The following GRID2 variants were observed in gnomAD, a reference collection of about 807,000 sequenced individuals.
GRID2 encodes the protein glutamate ionotropic receptor delta type subunit 2, also known as glutamate receptor ionotropic, delta-2.
GRID2 carries 33 observed loss-of-function variants against 114.8 expected under a neutral mutation model. That is an observed-to-expected ratio of 0.29 (90% confidence interval 0.22 to 0.38). The LOEUF is 0.38. Among genes scored for constraint, GRID2 ranks in the 10% least tolerant of loss-of-function variants. The probability of loss-of-function intolerance (pLI) is 1.00; values close to 1 mark genes in which losing one functional copy is unlikely to be tolerated. For synonymous variants in GRID2, 505 were observed against 449.9 expected, an observed-to-expected ratio of 1.12 and a Z score of -1.55; for missense variants, 1,184 against 1,257.7, an observed-to-expected ratio of 0.94 and a Z score of 0.89.
chr4:93,657,151 G>T (rs1395689172), intron 14 of GRID2, among the ~76,000 whole-genome samples: 1 of 151,964 alleles, frequency 6.6e-6, no homozygotes, highest in East Asian at 1.9e-4. Context: ...TCATTAGCTA[G>T]CCCTACCTTC....
At chr4:93,510,048 T>C (rs1729014093) in intron 12 of GRID2, among the ~76,000 whole-genome samples, 1 of 152,128 alleles carries the variant, frequency 6.6e-6, no homozygotes. Flanking sequence ...TAAACTGAGT[T>C]GGAGGATGCT....
chr4:92,975,329 G>A (rs1224532143), intron 2 of GRID2, among the ~76,000 whole-genome samples: 3 of 151,464 alleles, frequency 2.0e-5, no homozygotes, highest in African/African-American at 7.3e-5. Flanking sequence ...CTGTTATAAT[G>A]GGATACTTCT....
At chr4:93,188,854 A>G (rs566843952) in intron 4 of GRID2, among the ~76,000 whole-genome samples, 1 of 152,296 alleles carries the variant, frequency 6.6e-6, no homozygotes, top group Admixed American at 6.5e-5. Context: ...TTGTCACTTA[A>G]TAACAAGAAT....
intron 14 of GRID2, among the ~76,000 whole-genome samples, chr4:93,659,864 T>G (rs1723332447): frequency 6.6e-6 from 1 of 150,732 alleles, no homozygotes; most frequent in African/African-American, 2.5e-5. Flanking sequence ...CTGACCCTTT[T>G]GTATTATATC....
intron 1 of GRID2, among the ~76,000 whole-genome samples, chr4:92,536,786 A>G (rs1353229774): frequency 6.6e-6 from 1 of 152,178 alleles, no homozygotes; most frequent in Non-Finnish European, 1.5e-5. Flanking sequence ...GATGGCAATA[A>G]ATGCCCCCAA....
chr4:92,513,617 T>G (rs1490923942), intron 1 of GRID2, among the ~76,000 whole-genome samples: 3 of 151,896 alleles, frequency 2.0e-5, no homozygotes, highest in Non-Finnish European at 4.4e-5. Flanking sequence ...ATTATCATTG[T>G]AACTTTACAT....
intron 1 of GRID2, among the ~76,000 whole-genome samples, chr4:93,794,661 G>T (rs574094163): frequency 6.6e-6 from 1 of 152,262 alleles, no homozygotes; most frequent in South Asian, 2.1e-4. Flanking sequence ...ACTTTGGCAG[G>T]GTTTGCCAAC....
intron 14 of GRID2, among the ~76,000 whole-genome samples, chr4:93,709,102 C>G (rs1310006305): frequency 6.6e-6 from 1 of 152,060 alleles, no homozygotes; most frequent in Non-Finnish European, 1.5e-5. Flanking sequence ...TTTCATCTTT[C>G]TACTCAAGAT....
At chr4:92,821,250 A>G (rs1741262174) in intron 2 of GRID2, among the ~76,000 whole-genome samples, 1 of 152,196 alleles carries the variant, frequency 6.6e-6, no homozygotes, top group Non-Finnish European at 1.5e-5. Flanking sequence ...AAATATGTGG[A>G]GCAAAATGCG....
At chr4:93,332,285 TGTGTGTGTGTGTGTGAGA>T in intron 8 of GRID2, among the ~76,000 whole-genome samples, 1 of 122,010 alleles carries the variant, frequency 8.2e-6, no homozygotes, top group South Asian at 3.0e-4. Context: ...TGTGTGTGTG[TGTGTGTGTGTGTGTGAGA>T]GAGAGAGAGA....
intron 14 of GRID2, among the ~76,000 whole-genome samples, chr4:93,668,676 TG>T (rs1387386070): frequency 6.6e-6 from 1 of 152,044 alleles, no homozygotes; most frequent in Admixed American, 6.6e-5. Flanking sequence ...CCGGAAAATG[TG>T]GCTTGTGTTC....
chr4:93,603,113 G>A (rs935209112), intron 13 of GRID2, among the ~76,000 whole-genome samples: 1 of 152,160 alleles, frequency 6.6e-6, no homozygotes, highest in African/African-American at 2.4e-5. Flanking sequence ...GGGAGGCTGA[G>A]GCAGGATAAT....
intron 1 of GRID2, among the ~76,000 whole-genome samples, chr4:92,440,809 T>G (rs1284108540): frequency 6.6e-6 from 1 of 151,962 alleles, no homozygotes; most frequent in African/African-American, 2.4e-5. Context: ...GATACAGTTA[T>G]GGGGGTCAAG....
chr4:92,402,598 G>C (rs936434927), intron 1 of GRID2, among the ~76,000 whole-genome samples: 3 of 152,156 alleles, frequency 2.0e-5, no homozygotes, highest in African/African-American at 4.8e-5. Flanking sequence ...AAGGAATCTT[G>C]TTTTATGAGC....
intron 2 of GRID2, among the ~76,000 whole-genome samples, chr4:92,935,503 A>G (rs1308934461): frequency 2.0e-5 from 3 of 146,814 alleles, no homozygotes; most frequent in African/African-American, 7.3e-5. Flanking sequence ...TAGAACTAGA[A>G]ATACCATTTG....
intron 2 of GRID2, among the ~76,000 whole-genome samples, chr4:92,628,112 A>G (rs1196330719): frequency 6.6e-6 from 1 of 152,132 alleles, no homozygotes; most frequent in Non-Finnish European, 1.5e-5. Context: ...GAGAGTTTAT[A>G]TAATTTAATT....
chr4:92,677,216 A>C (rs1733418875), intron 2 of GRID2, among the ~76,000 whole-genome samples: 1 of 152,176 alleles, frequency 6.6e-6, no homozygotes, highest in Non-Finnish European at 1.5e-5. Context: ...ACACAGTGTG[A>C]ATGTACTTAA....
At position 93,614,195 on chromosome 4, in the gene GRID2, G is replaced by A. The variant is rs527508268; in HGVS notation, c.2194-12074G>A. Among the ~76,000 whole-genome samples the A allele has an allele frequency of 3.3e-5, 5 of 152,292 alleles. 1 individual carries two copies. In the South Asian group the frequency reaches 8.3e-4, roughly 25 times the overall value. On this transcript the variant is annotated intron_variant, in intron 13 of 15. Coordinates refer to ENST00000282020, the MANE Select transcript of GRID2 (RefSeq NM_001510.4). ...TCGCGCACGGTGCGTGCACCCACTG[G>A]CCTGCGCCCACTGTCTGGCACTCCC...
At chr4:93,635,247 A>G (rs2149704543) in intron 14 of GRID2, among the ~76,000 whole-genome samples, 1 of 151,266 alleles carries the variant, frequency 6.6e-6, no homozygotes, top group East Asian at 1.9e-4. Context: ...TTGTATCCAC[A>G]TTTTCTGTTC....
Sources: allele counts gnomAD v4.1 joint callset (sites outside exome capture counted in the v4.1 genomes callset), GRCh38; gene constraint gnomAD v4.1.1; transcripts MANE v1.5; gene names NCBI Gene and HGNC (gene_info 2026-07-23, HGNC 2026-07-21).